Variants in DAB1 observed in about 807,000 individuals in gnomAD.
DAB1 encodes disabled homolog 1.
In DAB1, 15 loss-of-function variants were observed where a neutral mutation model predicts 64.6. The observed-to-expected ratio is 0.23, with a 90% confidence interval of 0.16 to 0.36. The LOEUF is 0.36. Ranked by LOEUF, DAB1 falls within the 10% of genes least tolerant of loss-of-function variation. DAB1 has a pLI of 1.00. For missense variants in DAB1, 596 were observed against 706.7 expected (o/e 0.84, Z 1.78); for synonymous variants, 235 against 251.9 (o/e 0.93, Z 0.64).
intron 3 of DAB1, among the ~76,000 whole-genome samples, chr1:58,355,092 T>TA (rs1247454898): frequency 6.6e-6 from 1 of 152,162 alleles, no homozygotes; most frequent in Non-Finnish European, 1.5e-5. Flanking sequence ...ATAAGAAACT[T>TA]AAAAAAGCTG....
intron 9 of DAB1, among the ~76,000 whole-genome samples, chr1:57,042,652 G>A (rs1647935819): frequency 6.6e-6 from 1 of 152,054 alleles, no homozygotes; most frequent in Admixed American, 6.6e-5. Flanking sequence ...GCACACAGAA[G>A]GAAATTATAT....
At chr1:57,953,331 C>G (rs553597543) in intron 5 of DAB1, among the ~76,000 whole-genome samples, 2 of 152,232 alleles carry the variant, frequency 1.3e-5, no homozygotes, top group East Asian at 3.9e-4. Flanking sequence ...ACATACTTGA[C>G]CTAAGGACAT....
chr1:57,560,725 C>T (rs1158265537), intron 7 of DAB1, among the ~76,000 whole-genome samples: 1 of 152,170 alleles, frequency 6.6e-6, no homozygotes, highest in Non-Finnish European at 1.5e-5. Context: ...TACAGTAGAT[C>T]CAATGGTGCT....
intron 3 of DAB1, among the ~76,000 whole-genome samples, chr1:58,396,855 G>T (rs543312073): frequency 1.3e-5 from 2 of 152,128 alleles, no homozygotes; most frequent in African/African-American, 2.4e-5. Flanking sequence ...GAGGTCAAGA[G>T]ATCAAGACCA....
chr1:57,574,976 G>A (rs552954741), intron 7 of DAB1, among the ~76,000 whole-genome samples: 1 of 152,266 alleles, frequency 6.6e-6, no homozygotes, highest in South Asian at 2.1e-4. Context: ...AGGAAAAGGA[G>A]GAGATGAAAT....
chr1:57,384,025 T>C (rs12125219), intron 1 of DAB1, among the ~76,000 whole-genome samples: 47,034 of 152,014 alleles, frequency 0.31, 7,716 homozygotes, highest in African/African-American at 0.38. Flanking sequence ...CCAGAATATA[T>C]AAAGTATTCT....
intron 1 of DAB1, among the ~76,000 whole-genome samples, chr1:57,373,877 C>A (rs1680693776): frequency 6.6e-6 from 1 of 152,144 alleles, no homozygotes; most frequent in South Asian, 2.1e-4. Context: ...AAACACATAT[C>A]AGAAGATACT....
chr1:58,199,204 C>A (rs944672183), intron 4 of DAB1, among the ~76,000 whole-genome samples: 2 of 152,142 alleles, frequency 1.3e-5, no homozygotes, highest in African/African-American at 4.8e-5. Context: ...AACAGGTGAG[C>A]CAAGAATGTG....
intron 3 of DAB1, among the ~76,000 whole-genome samples, chr1:58,369,443 G>T (rs1210427405): frequency 3.3e-5 from 5 of 152,144 alleles, no homozygotes; most frequent in Admixed American, 2.6e-4. Context: ...TTAACAGACT[G>T]TACTTTTTTC....
chr1:57,924,960 G>C (rs1644859406), intron 5 of DAB1, among the ~76,000 whole-genome samples: 1 of 152,012 alleles, frequency 6.6e-6, no homozygotes, highest in Non-Finnish European at 1.5e-5. Context: ...ATTTGTATTG[G>C]ATTTACTTAA....
intron 6 of DAB1, among the ~76,000 whole-genome samples, chr1:57,662,702 A>T (rs1272722416): frequency 6.6e-6 from 1 of 152,204 alleles, no homozygotes; most frequent in Non-Finnish European, 1.5e-5. Flanking sequence ...TGAGAAAGAG[A>T]TTAGTATAGT....
At chr1:58,276,646 G>A (rs1368831876) in intron 4 of DAB1, among the ~76,000 whole-genome samples, 2 of 152,120 alleles carry the variant, frequency 1.3e-5, no homozygotes, top group South Asian at 2.1e-4. Flanking sequence ...TAAGGAGCCT[G>A]GACTTTTACC....
chr1:58,528,022 G>C (rs867652686), intron 1 of DAB1, among the ~76,000 whole-genome samples: 1 of 152,232 alleles, frequency 6.6e-6, no homozygotes, highest in East Asian at 1.9e-4. Flanking sequence ...TGAGAAAAGA[G>C]CTATTAATTG....
intron 6 of DAB1, among the ~76,000 whole-genome samples, chr1:57,769,679 A>G (rs555376217): frequency 1.2e-4 from 18 of 152,304 alleles, no homozygotes; most frequent in African/African-American, 4.3e-4. Flanking sequence ...TTGGGACTCT[A>G]TTCTCTGTGA....
rs12044071 is a variant in DAB1 at position 58,536,810 on chromosome 1, T to A, written n.33-9475A>T. ...CACATATCACTAAAGCTCAAATGCA[T>A]ACACTAGAATTTTACGTCCTCAAAT... On this transcript the variant is annotated intron_variant and non_coding_transcript_variant, in intron 1 of 20. Transcript: ENST00000485760. 3,568 of 771,550 alleles carry A rather than the reference T, an allele frequency of 4.6e-3. 116 individuals are homozygous for A. In the East Asian group the frequency reaches 0.073, roughly 16 times the overall value. 47.8% of individuals were successfully genotyped at this position (771,550 alleles called of 1,614,324 possible).
Position 57,136,234 on chromosome 1 carries a change from C to T in DAB1, c.306+309G>A, listed in dbSNP as rs12061416. ...GGACGTATGTCATTAAAGTTGCCAA[C>T]GCACAAAGAAATTTAACTTAAACTG... is the stretch of plus-strand genomic sequence containing the variant. On this transcript the variant is annotated intron_variant, in intron 4 of 14. Coordinates refer to ENST00000371236, the MANE Select transcript of DAB1 (RefSeq NM_001365792.1). Among the ~76,000 whole-genome samples the T allele has an allele frequency of 4.7e-3, 711 of 152,236 alleles. 6 individuals carry two copies. Among genetic ancestry groups the T allele is most frequent in the African/African-American group, 0.016 (684 of 41,542 alleles).
intron 7 of DAB1, among the ~76,000 whole-genome samples, chr1:57,561,935 C>T (rs764639923): frequency 6.6e-6 from 1 of 152,206 alleles, no homozygotes; most frequent in Admixed American, 6.5e-5. Context: ...CTGGAATAGA[C>T]ACTTACTCCA....
At chr1:58,450,440 AC>A (rs1265013408) in intron 3 of DAB1, among the ~76,000 whole-genome samples, 1 of 152,020 alleles carries the variant, frequency 6.6e-6, no homozygotes, top group African/African-American at 2.4e-5. Flanking sequence ...GGATTTAGTG[AC>A]TCGCTTCCAA....
intron 4 of DAB1, among the ~76,000 whole-genome samples, chr1:58,297,383 G>A (rs1276665259): frequency 1.3e-5 from 2 of 152,148 alleles, no homozygotes; most frequent in African/African-American, 4.8e-5. Context: ...AATATCCCCT[G>A]CCCTCGAAGA....
Sources: allele counts gnomAD v4.1 joint callset (sites outside exome capture counted in the v4.1 genomes callset), GRCh38; gene constraint gnomAD v4.1.1; transcripts MANE v1.5; gene names NCBI Gene and HGNC (gene_info 2026-07-23, HGNC 2026-07-21).